WWOX: variants seen among roughly 807,000 people sequenced by gnomAD.
WWOX encodes WW domain-containing oxidoreductase.
WWOX carries 69 observed loss-of-function variants against 46.2 expected under a neutral mutation model. The ratio of observed to expected loss-of-function variants is 1.49; its 90% CI spans 1.23 to 1.82. The LOEUF (loss-of-function observed/expected upper bound fraction) is 1.82, where lower values mean the gene tolerates loss of function less well. WWOX is among the 40% of genes most tolerant of loss of function. WWOX has a pLI of 0.00. For missense variants in WWOX, 919 were observed against 542.6 expected (o/e 1.69, Z -6.89); for synonymous variants, 359 against 202.6 (o/e 1.77, Z -6.56).
rs562366680 is a variant in WWOX at position 78,775,327 on chromosome 16, G to A, written c.1056+342575G>A. On this transcript the variant is annotated intron_variant, in intron 8 of 8. Transcript: ENST00000566780. Reference sequence around the variant, plus strand: ...CACAGCAATGCCTTTGAGAATCACAGTGTGTCATCCCCTCCCCACCCCCAC... The same window carrying A: ...CACAGCAATGCCTTTGAGAATCACAATGTGTCATCCCCTCCCCACCCCCAC... Among the ~76,000 whole-genome samples the A allele has an allele frequency of 8.5e-5, 13 of 152,282 alleles. No homozygotes were observed. The South Asian group carries it at 1.7e-3, about 19-fold the overall frequency.
intron 8 of WWOX, among the ~76,000 whole-genome samples, chr16:78,966,905 T>C (rs939900505): frequency 6.6e-6 from 1 of 152,176 alleles, no homozygotes; most frequent in Non-Finnish European, 1.5e-5. Flanking sequence ...ATTGAATGAG[T>C]TTGTAGATAA....
At chr16:79,098,592 T>C (rs2049126092) in intron 8 of WWOX, among the ~76,000 whole-genome samples, 1 of 152,244 alleles carries the variant, frequency 6.6e-6, no homozygotes, top group Non-Finnish European at 1.5e-5. Flanking sequence ...TCCCTTGTAA[T>C]CACCTTAGCG....
At chr16:79,152,553 C>T (rs891090608) in intron 8 of WWOX, among the ~76,000 whole-genome samples, 4 of 151,982 alleles carry the variant, frequency 2.6e-5, no homozygotes, top group African/African-American at 9.7e-5. Context: ...TTCCTGTAGT[C>T]TCAGCTACTC....
intron 8 of WWOX, among the ~76,000 whole-genome samples, chr16:79,117,183 G>C (rs1490963132): frequency 2.0e-5 from 3 of 152,020 alleles, no homozygotes; most frequent in African/African-American, 7.3e-5. Context: ...GGCTATTTTT[G>C]TATTTTTAGT....
At chr16:78,810,633 C>T (rs1029774825) in intron 8 of WWOX, among the ~76,000 whole-genome samples, 3 of 152,278 alleles carry the variant, frequency 2.0e-5, no homozygotes, top group Non-Finnish European at 4.4e-5. Context: ...TTATTTCTTC[C>T]GCTGAACAGG....
chr16:78,802,673 T>C (rs1567570555), intron 8 of WWOX, among the ~76,000 whole-genome samples: 1 of 151,946 alleles, frequency 6.6e-6, no homozygotes, highest in East Asian at 1.9e-4. Context: ...CCCAGCACTT[T>C]GAGAGGCCAA....
At chr16:78,665,065 A>C (rs897828946) in intron 8 of WWOX, among the ~76,000 whole-genome samples, 2 of 152,178 alleles carry the variant, frequency 1.3e-5, no homozygotes, top group Admixed American at 6.5e-5. Flanking sequence ...AGGGCTGCCA[A>C]TGGGAATTGG....
chr16:79,052,997 C>T (rs1333604826), intron 8 of WWOX, among the ~76,000 whole-genome samples: 4 of 150,874 alleles, frequency 2.7e-5, no homozygotes, highest in Non-Finnish European at 5.9e-5. Flanking sequence ...GGTGGAGGGT[C>T]AGAGAGGTGG....
intron 8 of WWOX, among the ~76,000 whole-genome samples, chr16:78,490,697 C>T (rs562726200): frequency 1.3e-5 from 2 of 152,156 alleles, no homozygotes; most frequent in African/African-American, 2.4e-5. Flanking sequence ...GCCCTCAGTT[C>T]TCCGTCCTGC....
At chr16:79,180,564 A>G (rs1247877959) in intron 8 of WWOX, among the ~76,000 whole-genome samples, 1 of 152,216 alleles carries the variant, frequency 6.6e-6, no homozygotes, top group Non-Finnish European at 1.5e-5. Flanking sequence ...TTGGGGAAAT[A>G]GGAACCTTAG....
chr16:78,789,358 T>C (rs1000338665), intron 8 of WWOX, among the ~76,000 whole-genome samples: 9 of 152,350 alleles, frequency 5.9e-5, no homozygotes, highest in East Asian at 1.9e-4. Context: ...CTTTGTTCTT[T>C]TGAATGTGAA....
At chr16:79,209,453 A>C (rs560480257) in intron 8 of WWOX, among the ~76,000 whole-genome samples, 2 of 152,304 alleles carry the variant, frequency 1.3e-5, no homozygotes, top group South Asian at 4.1e-4. Flanking sequence ...TTGGCAGAAC[A>C]GTGAAAGGCC....
At chr16:78,974,481 C>T (rs1375366814) in intron 8 of WWOX, among the ~76,000 whole-genome samples, 1 of 152,144 alleles carries the variant, frequency 6.6e-6, no homozygotes, top group African/African-American at 2.4e-5. Context: ...TTTTCTAGAA[C>T]CTGGCCTAGT....
chr16:78,165,187 G>A (rs537840929), intron 5 of WWOX, among the ~76,000 whole-genome samples: 4 of 152,296 alleles, frequency 2.6e-5, no homozygotes, highest in South Asian at 4.2e-4. Context: ...GAGCTAGAGA[G>A]TGATGCGAGC....
intron 5 of WWOX, among the ~76,000 whole-genome samples, chr16:78,314,700 T>TA (rs1491529702): frequency 4.3e-5 from 3 of 69,930 alleles, no homozygotes; most frequent in Non-Finnish European, 7.1e-5. Flanking sequence ...TTTTTTTTTT[T>TA]GTTTTTTTTT....
intron 6 of WWOX, among the ~76,000 whole-genome samples, chr16:78,422,660 C>A (rs368366039): frequency 3.1e-4 from 2 of 6,524 alleles, no homozygotes; most frequent in Non-Finnish European, 5.8e-4. Flanking sequence ...GTTTTTTTTA[C>A]ATGTATATAT....
intron 6 of WWOX, among the ~76,000 whole-genome samples, chr16:78,408,171 T>C (rs1250204754): frequency 6.6e-6 from 1 of 152,148 alleles, no homozygotes; most frequent in African/African-American, 2.4e-5. Context: ...TCGGACCAGA[T>C]TGAGAACTTG....
intron 8 of WWOX, among the ~76,000 whole-genome samples, chr16:78,845,911 T>C (rs2052286719): frequency 6.6e-6 from 1 of 152,202 alleles, no homozygotes; most frequent in Non-Finnish European, 1.5e-5. Flanking sequence ...TTAAGGTAGA[T>C]GGGTTTATGC....
At chr16:78,151,275 G>C (rs754399410) in intron 4 of WWOX, among the ~76,000 whole-genome samples, 6 of 152,250 alleles carry the variant, frequency 3.9e-5, no homozygotes, top group Non-Finnish European at 8.8e-5. Flanking sequence ...CAGTCACATG[G>C]TGATTGTGGT....
Sources: allele counts gnomAD v4.1 joint callset (sites outside exome capture counted in the v4.1 genomes callset), GRCh38; gene constraint gnomAD v4.1.1; transcripts MANE v1.5; gene names NCBI Gene and HGNC (gene_info 2026-07-23, HGNC 2026-07-21).